Variants in GPCPD1 observed in about 807,000 individuals in gnomAD.
GPCPD1 encodes the protein glycerophosphocholine phosphodiesterase 1, also known as glycerophosphocholine phosphodiesterase GPCPD1.
GPCPD1 carries 29 observed loss-of-function variants against 89.2 expected under a neutral mutation model. The ratio of observed to expected loss-of-function variants is 0.33; its 90% confidence interval spans 0.24 to 0.44. The LOEUF is 0.44. Ranked by LOEUF, GPCPD1 falls within the 20% of genes least tolerant of loss-of-function variation. The probability of loss-of-function intolerance (pLI) is 1.00; values close to 1 mark genes in which losing one functional copy is unlikely to be tolerated. For synonymous variants in GPCPD1, 258 were observed against 266.3 expected, an observed-to-expected ratio of 0.97 and a Z score of 0.30; for missense variants, 594 against 808.9, an observed-to-expected ratio of 0.73 and a Z score of 3.22.
intron 2 of GPCPD1, among the ~76,000 whole-genome samples, chr20:5,601,663 C>T (rs1980163602): frequency 6.6e-6 from 1 of 151,976 alleles, no homozygotes; most frequent in South Asian, 2.1e-4. Context: ...GCCACCATGC[C>T]CAGCCAACCC....
At chr20:5,558,198 C>A in intron 18 of GPCPD1, 93 bp from the exon 19 acceptor site, 3 of 679,714 alleles carry the variant, frequency 4.4e-6, no homozygotes, top group South Asian at 5.1e-5. Flanking sequence ...CAAAGTACAG[C>A]AGGCGGGAAA....
At position 5,566,675 on chromosome 20, in the gene GPCPD1, A is replaced by T; in HGVS notation, c.1267+58T>A. On this transcript the variant is annotated intron_variant, in intron 14 of 19. Coordinates refer to ENST00000379019, the MANE Select transcript of GPCPD1 (RefSeq NM_019593.5). ...TCAAGTATGTGCTAAAATCGATTTT[A>T]AAAATCCTATTAATGCTAACTACAA... 4.9e-6 allele frequency: 5 copies of T among 1,021,514 alleles called. No homozygotes were observed. The South Asian group carries it at 6.4e-5, about 13-fold the overall frequency. The allele number at this position is 1,021,514 out of a possible 1,614,324, so 63.3% of individuals were successfully genotyped here.
chr20:5,597,885 T>G (rs756179252), intron 3 of GPCPD1, among the ~76,000 whole-genome samples: 102 of 152,212 alleles, frequency 6.7e-4, no homozygotes, highest in Non-Finnish European at 1.4e-3. Flanking sequence ...TTTCTTCATA[T>G]TAGCTAAGCT....
At chr20:5,552,171 TA>T (rs73613651) in intron 19 of GPCPD1, among the ~76,000 whole-genome samples, 22,552 of 151,374 alleles carry the variant, frequency 0.15, 1,805 homozygotes, top group South Asian at 0.19. Flanking sequence ...TGAATAAAAT[TA>T]AAAAAAAATG....
chr20:5,550,698 A>G (rs1600707627), intron 19 of GPCPD1, among the ~76,000 whole-genome samples: 1 of 152,182 alleles, frequency 6.6e-6, no homozygotes, highest in Admixed American at 6.5e-5. Flanking sequence ...TTTCTAACAT[A>G]GAGTTCTATA....
intron 19 of GPCPD1, among the ~76,000 whole-genome samples, chr20:5,555,646 G>T (rs908461309): frequency 2.0e-5 from 3 of 152,204 alleles, no homozygotes; most frequent in Non-Finnish European, 4.4e-5. Context: ...ATCACTTGGG[G>T]TCGGGAGTTC....
At chr20:5,562,593 A>G (rs941914803) in intron 15 of GPCPD1, among the ~76,000 whole-genome samples, 1 of 152,154 alleles carries the variant, frequency 6.6e-6, no homozygotes, top group African/African-American at 2.4e-5. Flanking sequence ...ATTATTTTAG[A>G]TACTTCAAAA....
intron 19 of GPCPD1, among the ~76,000 whole-genome samples, chr20:5,552,637 G>C (rs570680213): frequency 6.6e-6 from 1 of 152,164 alleles, no homozygotes; most frequent in East Asian, 1.9e-4. Context: ...GCCAGTACTT[G>C]TTCCAAATTA....
At chr20:5,589,504 C>T (rs1307650464) in intron 4 of GPCPD1, among the ~76,000 whole-genome samples, 3 of 151,964 alleles carry the variant, frequency 2.0e-5, no homozygotes, top group Admixed American at 6.6e-5. Flanking sequence ...CCCAACTACT[C>T]GGAAGGCTGA....
chr20:5,586,171 A>T (rs1178680033), intron 5 of GPCPD1, 23 bp downstream of exon 5: 1 of 1,246,142 alleles, frequency 8.0e-7, no homozygotes. Flanking sequence ...TATGCCTCAA[A>T]CAGATGCAGT....
rs1394979753 is a variant in GPCPD1, at chr20:5,548,869, T to C, written c.1830-1019A>G. 4.0e-6 allele frequency: 4 copies of C among 990,012 alleles called. No homozygotes were observed. The Admixed American group carries it at 1.1e-4, about 27-fold the overall frequency. The allele number at this position is 990,012 out of a possible 1,614,324, so 61.3% of individuals were successfully genotyped here. A position where few individuals can be genotyped will look rare whatever the true frequency, so the allele number is the denominator to read the frequency against. On this transcript the variant is annotated intron_variant, in intron 19 of 19. Coordinates refer to ENST00000379019, the MANE Select transcript of GPCPD1 (RefSeq NM_019593.5). Reference sequence around the variant, plus strand: ...TCAAACCAGAAACCACCCCTACTCCTAATCCCCCTGTGAAGAGGAGAAAAC... The same window carrying C: ...TCAAACCAGAAACCACCCCTACTCCCAATCCCCCTGTGAAGAGGAGAAAAC...
intron 2 of GPCPD1, 71 bp from the exon 3 acceptor site, chr20:5,598,892 G>A: frequency 1.1e-6 from 1 of 950,218 alleles, no homozygotes; most frequent in Non-Finnish European, 1.7e-6. Flanking sequence ...AGGGAAGTTT[G>A]CATTAGTTCA....
chr20:5,595,515 C>T (rs1341913133), intron 3 of GPCPD1, among the ~76,000 whole-genome samples: 1 of 152,008 alleles, frequency 6.6e-6, no homozygotes, highest in Non-Finnish European at 1.5e-5. Context: ...ATGGCACAAG[C>T]CTGTAATCCC....
chr20:5,571,068 A>G (rs1477181711), intron 11 of GPCPD1, among the ~76,000 whole-genome samples: 3 of 152,206 alleles, frequency 2.0e-5, no homozygotes. Flanking sequence ...AAATTCTGTA[A>G]CACTACTTTA....
intron 11 of GPCPD1, among the ~76,000 whole-genome samples, chr20:5,571,104 C>T (rs1568655577): frequency 6.6e-6 from 1 of 152,126 alleles, no homozygotes; most frequent in Non-Finnish European, 1.5e-5. Context: ...CATTTCTACC[C>T]CTTACACTGG....
At chr20:5,600,708 T>TGA (rs2122791360) in intron 2 of GPCPD1, among the ~76,000 whole-genome samples, 1 of 152,268 alleles carries the variant, frequency 6.6e-6, no homozygotes, top group South Asian at 2.1e-4. Flanking sequence ...AGCAGGCACC[T>TGA]GTAATCCCAG....
At chr20:5,565,738 A>T (rs1398471960) in intron 14 of GPCPD1, among the ~76,000 whole-genome samples, 1 of 152,214 alleles carries the variant, frequency 6.6e-6, no homozygotes, top group Non-Finnish European at 1.5e-5. Flanking sequence ...CCAGAGAATT[A>T]AGAGTTGTGT....
At chr20:5,595,317 T>C (rs1327012234) in intron 3 of GPCPD1, among the ~76,000 whole-genome samples, 2 of 151,774 alleles carry the variant, frequency 1.3e-5, no homozygotes, top group Non-Finnish European at 2.9e-5. Context: ...AAATAAATAA[T>C]AAATAAGTAA....
At chr20:5,607,163 G>A (rs1032858662) in intron 1 of GPCPD1, among the ~76,000 whole-genome samples, 2 of 152,006 alleles carry the variant, frequency 1.3e-5, no homozygotes, top group Admixed American at 6.6e-5. Flanking sequence ...GGTGGGCACC[G>A]GTAATCCCAG....
Sources: gnomAD v4.1 joint callset for allele counts (sites outside exome capture counted in the v4.1 genomes callset) on GRCh38, gnomAD v4.1.1 for gene constraint, MANE v1.5 for transcripts, NCBI Gene and HGNC (gene_info 2026-07-23, HGNC 2026-07-21) for gene names.